ACSS3: variants seen among roughly 807,000 people sequenced by gnomAD.
The protein encoded by ACSS3 is acyl-CoA synthetase short-chain family member 3, mitochondrial.
A neutral mutation model predicts 84.2 loss-of-function variants in ACSS3; 64 were observed. That is an observed-to-expected ratio of 0.76 (90% CI 0.62 to 0.94). The LOEUF (loss-of-function observed/expected upper bound fraction) is 0.94. Ranked by LOEUF, ACSS3 falls within the 40% of genes least tolerant of loss-of-function variation. ACSS3 has a pLI of 0.00. For missense variants in ACSS3, 815 were observed against 867.6 expected (o/e 0.94, Z 0.76); for synonymous variants, 317 against 310.1 (o/e 1.02, Z -0.23).
intron 13 of ACSS3, among the ~76,000 whole-genome samples, chr12:81,237,334 G>C (rs542946157): frequency 1.3e-5 from 2 of 151,574 alleles, no homozygotes; most frequent in Admixed American, 1.3e-4. Context: ...AATCACTATA[G>C]GTCTAATTTT....
At chr12:81,080,106 C>T (rs1880876047) in intron 1 of ACSS3, among the ~76,000 whole-genome samples, 1 of 151,976 alleles carries the variant, frequency 6.6e-6, no homozygotes, top group South Asian at 2.1e-4. Context: ...AACTAATGTG[C>T]AGAGAATTCA....
At chr12:81,095,700 C>T (rs1373584701) in intron 1 of ACSS3, among the ~76,000 whole-genome samples, 2 of 152,108 alleles carry the variant, frequency 1.3e-5, no homozygotes, top group Non-Finnish European at 2.9e-5. Context: ...CTGCATTTCT[C>T]ACCACTGGCA....
At chr12:81,220,644 A>G (rs1565728536) in intron 11 of ACSS3, among the ~76,000 whole-genome samples, 1 of 151,948 alleles carries the variant, frequency 6.6e-6, no homozygotes, top group Non-Finnish European at 1.5e-5. Context: ...CATTATGTCC[A>G]TGTGTACCCA....
At position 81,170,126 on chromosome 12, in the gene ACSS3, A is replaced by G. The variant is rs12580183; in HGVS notation, c.1099-4662A>G. ...TAGGATTAATCATAGGATTAATAAT[A>G]AAGCAAATTTTTTTGCCCAAAGATT... On this transcript the variant is annotated intron_variant, in intron 7 of 15. Transcript: ENST00000548058. 1.5e-4 allele frequency among the ~76,000 whole-genome samples: 23 copies of G among 152,316 alleles called. No individual in the cohort carries two copies. The East Asian group carries it at 3.7e-3, about 24-fold the overall frequency.
intron 2 of ACSS3, among the ~76,000 whole-genome samples, chr12:81,119,267 T>G (rs753644231): frequency 6.6e-6 from 1 of 151,998 alleles, no homozygotes; most frequent in Non-Finnish European, 1.5e-5. Context: ...CTTCTGAGGC[T>G]AATAAAGATC....
In ACSS3 at chr12:81,259,677, A is replaced by C; in HGVS notation, c.*4755A>C. The C allele has an allele frequency of 5.2e-6, 8 of 1,533,374 alleles. No individual in the cohort carries two copies. The highest frequency in any genetic ancestry group is 5.2e-6 in the Non-Finnish European group (6 of 1,144,710). 95.0% of individuals were successfully genotyped at this position (1,533,374 alleles called of 1,614,324 possible). A position where few individuals can be genotyped will look rare whatever the true frequency, so the allele number is the denominator to read the frequency against. Reference sequence around the variant, plus strand: ...AGACGCCATCTAAAATATACAATGGATAGCATTAGTTCACTGAAAAGTCCC... The same window carrying C: ...AGACGCCATCTAAAATATACAATGGCTAGCATTAGTTCACTGAAAAGTCCC... On this transcript the variant is annotated 3_prime_UTR_variant, in exon 16 of 16. Transcript: ENST00000548058.
rs1183942018 is a variant in ACSS3, at chr12:81,258,488, T to C, written c.*3566T>C. The C allele has an allele frequency of 1.3e-5, 2 of 152,170 alleles. No individual in the cohort carries two copies. Among genetic ancestry groups the C allele is most frequent in the African/African-American group, 4.8e-5 (2 of 41,444 alleles). The allele number at this position is 152,170 out of a possible 1,614,324, so 9.4% of individuals were successfully genotyped here. ...ATAAATGGTATTATTAAATAGGCTT[T>C]ACTTTGAATCTCCCATATAAACAAA... On this transcript the variant is annotated 3_prime_UTR_variant, in exon 16 of 16. Coordinates refer to ENST00000548058, the MANE Select transcript of ACSS3 (RefSeq NM_024560.4).
intron 11 of ACSS3, among the ~76,000 whole-genome samples, chr12:81,228,685 G>A (rs2033349547): frequency 6.6e-6 from 1 of 151,676 alleles, no homozygotes. Context: ...TATTCTTTCT[G>A]TAAAATGCAG....
At position 81,253,544 on chromosome 12, in the gene ACSS3, T is replaced by TAGAC. The variant is rs2034216369; in HGVS notation, c.1873_1876dup (p.Asn626ThrfsTer47). 1 of 1,613,868 alleles carries TAGAC rather than the reference T, an allele frequency of 6.2e-7. No homozygotes were observed. The highest frequency in any genetic ancestry group is 1.1e-5 in the South Asian group (1 of 91,084). ...TTTTGGAAGAAATTGTGAAACACGTTAGACAGAACATTGGCCCTGTGGCTG... is the reference window on the plus strand; with the variant it reads ...TTTTGGAAGAAATTGTGAAACACGTTAGACAGACAGAACATTGGCCCTGTGGCTG... On this transcript the variant is annotated frameshift_variant, in exon 15 of 16. Coordinates refer to ENST00000548058, the MANE Select transcript of ACSS3 (RefSeq NM_024560.4). LOFTEE classifies it high-confidence loss of function.
At chr12:81,086,232 G>A (rs7136935) in intron 1 of ACSS3, among the ~76,000 whole-genome samples, 48,356 of 151,398 alleles carry the variant, frequency 0.32, 8,015 homozygotes, top group Admixed American at 0.44. Flanking sequence ...TATTCATAGC[G>A]TTGTACACAG....
chr12:81,159,827 C>T (rs866935868), intron 7 of ACSS3, among the ~76,000 whole-genome samples: 1 of 152,212 alleles, frequency 6.6e-6, no homozygotes, highest in Non-Finnish European at 1.5e-5. Context: ...CAGAGATATG[C>T]TCCCTTGCCT....
At chr12:81,217,385 A>C (rs2032959325) in intron 10 of ACSS3, among the ~76,000 whole-genome samples, 1 of 152,084 alleles carries the variant, frequency 6.6e-6, no homozygotes, top group African/African-American at 2.4e-5. Context: ...AGAATAAATA[A>C]TTTTCTTGAG....
intron 2 of ACSS3, among the ~76,000 whole-genome samples, chr12:81,129,182 G>T (rs1327733614): frequency 2.0e-5 from 3 of 152,056 alleles, no homozygotes; most frequent in African/African-American, 7.2e-5. Flanking sequence ...TCAGGGCAGT[G>T]GTTGACAACT....
intron 13 of ACSS3, among the ~76,000 whole-genome samples, chr12:81,247,268 A>C (rs538142398): frequency 3.9e-5 from 6 of 152,256 alleles, no homozygotes; most frequent in African/African-American, 1.4e-4. Flanking sequence ...CGGCAGACTC[A>C]GTCAATCAAA....
At chr12:81,129,672 A>G (rs1885357526) in intron 2 of ACSS3, among the ~76,000 whole-genome samples, 1 of 152,184 alleles carries the variant, frequency 6.6e-6, no homozygotes, top group Non-Finnish European at 1.5e-5. Flanking sequence ...CATGTGCACA[A>G]CGTGCAGGTT....
chr12:81,182,979 T>C (rs568580794), intron 8 of ACSS3, among the ~76,000 whole-genome samples: 84 of 152,276 alleles, frequency 5.5e-4, no homozygotes, highest in Non-Finnish European at 9.7e-4. Context: ...ACCTCCAGAA[T>C]TCTCTCCCCA....
intron 5 of ACSS3, among the ~76,000 whole-genome samples, chr12:81,145,215 C>T (rs1886284228): frequency 6.6e-6 from 1 of 151,876 alleles, no homozygotes; most frequent in African/African-American, 2.4e-5. Context: ...TGCGCCCGGC[C>T]CAGGTTTTCT....
intron 1 of ACSS3, among the ~76,000 whole-genome samples, chr12:81,086,178 G>T (rs1326675760): frequency 6.6e-6 from 1 of 151,982 alleles, no homozygotes. Flanking sequence ...TATATAAAGA[G>T]GAAGAATTTT....
chr12:81,237,756 G>A (rs760854896), intron 13 of ACSS3, among the ~76,000 whole-genome samples: 5 of 151,566 alleles, frequency 3.3e-5, no homozygotes, highest in Admixed American at 6.6e-5. Flanking sequence ...ACATATATAC[G>A]ATCAGGTTGT....
Sources: allele counts gnomAD v4.1 joint callset (sites outside exome capture counted in the v4.1 genomes callset), GRCh38; gene constraint gnomAD v4.1.1; transcripts MANE v1.5; gene names NCBI Gene and HGNC (gene_info 2026-07-23, HGNC 2026-07-21).